Variants in LOC128092253 observed in about 807,000 individuals in gnomAD.
the LOC128092253 span, among the ~76,000 whole-genome samples, chr6:133,956,679 AC>A: frequency 2.0e-5 from 3 of 152,108 alleles, no homozygotes; most frequent in Admixed American, 6.5e-5. Flanking sequence ...GATGAAGGAA[AC>A]CTTTTTGAAA....
At chr6:133,962,303 G>A in the LOC128092253 span, among the ~76,000 whole-genome samples, 1 of 152,202 alleles carries the variant, frequency 6.6e-6, no homozygotes, top group African/African-American at 2.4e-5. Flanking sequence ...TAGCTATTTG[G>A]TAGATGGATT....
chr6:133,966,763 G>C, the LOC128092253 span, among the ~76,000 whole-genome samples: 1 of 152,018 alleles, frequency 6.6e-6, no homozygotes, highest in African/African-American at 2.4e-5. Flanking sequence ...AGAAAATTCT[G>C]TTCACTCTAT....
the LOC128092253 span, among the ~76,000 whole-genome samples, chr6:133,971,776 A>G: frequency 2.6e-5 from 4 of 152,084 alleles, no homozygotes; most frequent in East Asian, 5.8e-4. Context: ...TTTTTTAATC[A>G]GATTATTTCT....
the LOC128092253 span, among the ~76,000 whole-genome samples, chr6:133,955,486 T>C: frequency 6.6e-6 from 1 of 152,128 alleles, no homozygotes; most frequent in African/African-American, 2.4e-5. Context: ...TTAATGTGAT[T>C]TTATCTGTTG....
the LOC128092253 span, among the ~76,000 whole-genome samples, chr6:133,964,882 A>T: frequency 6.6e-6 from 1 of 152,228 alleles, no homozygotes; most frequent in Non-Finnish European, 1.5e-5. Context: ...TAACTCTATA[A>T]AAACAGTCGA....
At chr6:133,968,658 G>C in the LOC128092253 span, among the ~76,000 whole-genome samples, 1 of 152,026 alleles carries the variant, frequency 6.6e-6, no homozygotes, top group South Asian at 2.1e-4. Context: ...TACTGTCTTA[G>C]CATCCAAGTT....
chr6:133,954,002 A>C, the LOC128092253 span, among the ~76,000 whole-genome samples: 819 of 152,322 alleles, frequency 5.4e-3, 5 homozygotes, highest in African/African-American at 0.018. Flanking sequence ...TGAAGAAGAG[A>C]AAATGAATTG....
the LOC128092253 span, among the ~76,000 whole-genome samples, chr6:133,967,454 A>G: frequency 9.9e-5 from 15 of 152,242 alleles, no homozygotes; most frequent in Non-Finnish European, 2.1e-4. Context: ...ACAAATGGTT[A>G]GTAATATAGT....
At chr6:133,960,366 A>G in the LOC128092253 span, among the ~76,000 whole-genome samples, 34 of 151,448 alleles carry the variant, frequency 2.2e-4, no homozygotes, top group South Asian at 1.9e-3. Flanking sequence ...CTATATTGCT[A>G]ATGGAAATCT....
the LOC128092253 span, among the ~76,000 whole-genome samples, chr6:133,963,666 C>T: frequency 6.6e-6 from 1 of 152,052 alleles, no homozygotes; most frequent in Non-Finnish European, 1.5e-5. Flanking sequence ...AGCAACCTGC[C>T]CACCTTGGCC....
chr6:133,979,531 A>G, the LOC128092253 span, among the ~76,000 whole-genome samples: 1 of 152,250 alleles, frequency 6.6e-6, no homozygotes, highest in African/African-American at 2.4e-5. Flanking sequence ...AGCTCCTGTC[A>G]AGTAAAAGTT....
At chr6:133,965,729 T>C in the LOC128092253 span, among the ~76,000 whole-genome samples, 1 of 152,162 alleles carries the variant, frequency 6.6e-6, no homozygotes, top group South Asian at 2.1e-4. Context: ...TGAAGGAATA[T>C]GATTTGCTTT....
the LOC128092253 span, among the ~76,000 whole-genome samples, chr6:133,957,057 G>C: frequency 6.6e-6 from 1 of 152,116 alleles, no homozygotes; most frequent in East Asian, 1.9e-4. Flanking sequence ...AAGGAATCAG[G>C]TCACATCAGA....
the LOC128092253 span, among the ~76,000 whole-genome samples, chr6:133,967,107 C>T: frequency 6.6e-6 from 1 of 152,214 alleles, no homozygotes; most frequent in Non-Finnish European, 1.5e-5. Flanking sequence ...GCTGATTCTT[C>T]CTTCAGGCCT....
the LOC128092253 span, among the ~76,000 whole-genome samples, chr6:133,961,754 G>A: frequency 2.0e-5 from 3 of 152,042 alleles, no homozygotes; most frequent in African/African-American, 4.8e-5. Flanking sequence ...GTGACCCACC[G>A]CACTTGGCCA....
the LOC128092253 span, among the ~76,000 whole-genome samples, chr6:133,960,376 T>C: frequency 6.6e-6 from 1 of 151,898 alleles, no homozygotes. Flanking sequence ...AATGGAAATC[T>C]GTAGGTCTCA....
At chr6:133,969,805 C>T in the LOC128092253 span, among the ~76,000 whole-genome samples, 2 of 152,172 alleles carry the variant, frequency 1.3e-5, no homozygotes, top group African/African-American at 2.4e-5. Context: ...CAAATGCATG[C>T]TGAAGGGGAA....
chr6:133,956,903 C>T, the LOC128092253 span, among the ~76,000 whole-genome samples: 2 of 152,148 alleles, frequency 1.3e-5, no homozygotes, highest in African/African-American at 2.4e-5. Context: ...AGACTGTATA[C>T]GTATCTGAGG....
the LOC128092253 span, among the ~76,000 whole-genome samples, chr6:133,957,434 A>G: frequency 6.6e-6 from 1 of 152,202 alleles, no homozygotes; most frequent in East Asian, 1.9e-4. Context: ...GGCCCATGGT[A>G]TGTTTTTGTT....
Sources: allele counts gnomAD v4.1 joint callset (sites outside exome capture counted in the v4.1 genomes callset), GRCh38; gene constraint gnomAD v4.1.1; transcripts MANE v1.5.